SOS1: variants seen among roughly 807,000 people sequenced by gnomAD.
SOS1 encodes the protein son of sevenless homolog 1.
SOS1 carries 25 observed loss-of-function variants against 157.6 expected under a neutral mutation model. The ratio of observed to expected loss-of-function variants is 0.16; its 90% CI spans 0.12 to 0.22. The LOEUF is 0.22. SOS1 is among the 10% of genes least tolerant of loss of function. The pLI, the probability that SOS1 is intolerant of heterozygous loss-of-function variation, is 1.00. For missense variants in SOS1, 1,237 were observed against 1,599.1 expected, an observed-to-expected ratio of 0.77 and a Z score of 3.86; for synonymous variants, 528 against 534.0, an observed-to-expected ratio of 0.99 and a Z score of 0.16.
chr2:39,108,776 C>G (rs1224800595), intron 1 of SOS1, among the ~76,000 whole-genome samples: 4 of 152,034 alleles, frequency 2.6e-5, no homozygotes, highest in African/African-American at 9.7e-5. Flanking sequence ...ACCTGTAGTC[C>G]TAGCTACCTG....
intron 1 of SOS1, among the ~76,000 whole-genome samples, chr2:39,073,674 A>G (rs542581487): frequency 6.6e-6 from 1 of 152,338 alleles, no homozygotes; most frequent in Non-Finnish European, 1.5e-5. Context: ...GTGGAGTCTG[A>G]AAAGGCAAAG....
At chr2:39,015,802 C>CTTTTTTTTTTTTTTTTTTTT (rs1054843148) in intron 10 of SOS1, among the ~76,000 whole-genome samples, 2 of 87,416 alleles carry the variant, frequency 2.3e-5, no homozygotes, top group Non-Finnish European at 2.2e-5. Context: ...AATTGTAAAT[C>CTTTTTTTTTTTTTTTTTTTT]TTTTTTTTTT....
chr2:39,089,423 T>G (rs1219697346), intron 1 of SOS1, among the ~76,000 whole-genome samples: 1 of 150,762 alleles, frequency 6.6e-6, no homozygotes, highest in Non-Finnish European at 1.5e-5. Context: ...TCCCAGCTAC[T>G]CGGGAGGCTG....
intron 1 of SOS1, among the ~76,000 whole-genome samples, chr2:39,105,273 T>C (rs1673125918): frequency 6.6e-6 from 1 of 152,110 alleles, no homozygotes; most frequent in African/African-American, 2.4e-5. Context: ...TTTTCATTTT[T>C]TTTTAAATCC....
rs192692850 is a variant in SOS1, at chr2:39,067,303, C to G, written c.213+325G>C. Among the ~76,000 whole-genome samples the G allele has an allele frequency of 7.2e-5, 11 of 152,178 alleles. No homozygotes were observed. The East Asian group carries it at 2.1e-3, about 29-fold the overall frequency. On this transcript the variant is annotated intron_variant, in intron 2 of 22. Coordinates refer to ENST00000402219, the MANE Select transcript of SOS1 (RefSeq NM_005633.4). ...TGCTGGGATTACAGGCTTGAGCCACCACATCAGGCCAAAATCCAAAACTTC... is the reference window on the plus strand; with the variant it reads ...TGCTGGGATTACAGGCTTGAGCCACGACATCAGGCCAAAATCCAAAACTTC...
intron 1 of SOS1, among the ~76,000 whole-genome samples, chr2:39,077,715 G>C (rs1479450365): frequency 6.6e-6 from 1 of 152,148 alleles, no homozygotes; most frequent in African/African-American, 2.4e-5. Flanking sequence ...CAGTAGTATA[G>C]ATTCATGAGG....
intron 1 of SOS1, among the ~76,000 whole-genome samples, chr2:39,092,164 T>C (rs1307839411): frequency 6.6e-6 from 1 of 152,178 alleles, no homozygotes; most frequent in Non-Finnish European, 1.5e-5. Context: ...TTCTCACTCT[T>C]CTTCACATAT....
chr2:39,041,499 TG>T (rs891172807), intron 6 of SOS1, among the ~76,000 whole-genome samples: 2 of 152,250 alleles, frequency 1.3e-5, no homozygotes, highest in African/African-American at 4.8e-5. Context: ...GCTTTCTTGA[TG>T]GTGTCCTTTG....
chr2:39,058,931 C>A, intron 2 of SOS1, 127 bp from the exon 3 acceptor site: 1 of 719,522 alleles, frequency 1.4e-6, no homozygotes. Context: ...ATTTACATTA[C>A]AAACATATGA....
chr2:39,095,400 AG>A (rs1468251462), intron 1 of SOS1, among the ~76,000 whole-genome samples: 1 of 152,238 alleles, frequency 6.6e-6, no homozygotes, highest in Non-Finnish European at 1.5e-5. Context: ...TGATTAAGCT[AG>A]GGGAAAAGTC....
chr2:39,096,676 G>A (rs1672775651), intron 1 of SOS1, among the ~76,000 whole-genome samples: 2 of 152,112 alleles, frequency 1.3e-5, no homozygotes, highest in African/African-American at 4.8e-5. Flanking sequence ...ACGAGGTCAG[G>A]AGATCGAGAC....
intron 19 of SOS1, among the ~76,000 whole-genome samples, chr2:38,996,091 C>CTT (rs373919767): frequency 6.8e-6 from 1 of 147,040 alleles, no homozygotes; most frequent in East Asian, 2.0e-4. Context: ...GGATTCTTGA[C>CTT]TTTTTTTTTT....
chr2:39,110,384 T>C lies in SOS1; in HGVS notation c.87+9952A>G, dbSNP rs530373850. 1.2e-4 allele frequency among the ~76,000 whole-genome samples: 19 copies of C among 152,258 alleles called. No homozygotes were observed. In the East Asian group the frequency reaches 3.3e-3, roughly 26 times the overall value. ...CGCAGATACTTTTGATCCACAGTTG[T>C]TTGAATGCACAGATGCAGAGGACTG... On this transcript the variant is annotated intron_variant, in intron 1 of 22. Coordinates refer to ENST00000402219, the MANE Select transcript of SOS1 (RefSeq NM_005633.4).
At chr2:39,002,552 C>T (rs893848234) in intron 17 of SOS1, among the ~76,000 whole-genome samples, 8 of 152,250 alleles carry the variant, frequency 5.3e-5, no homozygotes, top group Middle Eastern at 3.4e-3. Context: ...AGCAGACTGA[C>T]TGTGTATTTT....
chr2:39,039,026 C>T (rs1670461012), intron 6 of SOS1, among the ~76,000 whole-genome samples: 1 of 152,080 alleles, frequency 6.6e-6, no homozygotes, highest in Non-Finnish European at 1.5e-5. Flanking sequence ...CCTTCAGCAG[C>T]CATCAACATC....
intron 1 of SOS1, among the ~76,000 whole-genome samples, chr2:39,119,819 G>C (rs1340951299): frequency 1.3e-5 from 2 of 152,154 alleles, no homozygotes; most frequent in Non-Finnish European, 2.9e-5. Context: ...GGAGGAGCGG[G>C]GGAAACCAGG....
At chr2:39,028,931 A>C (rs1445333866) in intron 8 of SOS1, among the ~76,000 whole-genome samples, 2 of 152,234 alleles carry the variant, frequency 1.3e-5, no homozygotes, top group East Asian at 3.8e-4. Context: ...AGAAAATGCA[A>C]AGAGTAACAC....
intron 9 of SOS1, among the ~76,000 whole-genome samples, chr2:39,023,503 G>A (rs1158677702): frequency 6.6e-6 from 1 of 151,774 alleles, no homozygotes; most frequent in African/African-American, 2.4e-5. Context: ...TAAATATTTA[G>A]AATGACAACT....
chr2:38,995,160 A>T lies in SOS1; in HGVS notation c.3309T>A (p.Ser1103Arg). 1 of 1,614,006 alleles carries T rather than the reference A, an allele frequency of 6.2e-7. No homozygotes were observed. The highest frequency in any genetic ancestry group is 8.5e-7 in the Non-Finnish European group (1 of 1,179,930). Reference sequence around the variant, plus strand: ...GGCTCGAATGATCGGAATCAAATACACTGCAAACATCTGTGGTACTGGAAG... The same window carrying T: ...GGCTCGAATGATCGGAATCAAATACTCTGCAAACATCTGTGGTACTGGAAG... Reference protein sequence around the residue: ...SGASSTTDVCSVFDSDHSSPF... With the variant: ...SGASSTTDVCRVFDSDHSSPF... The change falls in exon 20 of 23, where the codon AGT becomes AGA. Residue 1103 changes from serine to arginine, a missense_variant. This residue lies in a region of SOS1 where 306 missense variants were observed against 322.6 expected (regional missense o/e 0.95). Coordinates refer to ENST00000402219, the MANE Select transcript of SOS1 (RefSeq NM_005633.4).
Sources: allele counts gnomAD v4.1 joint callset (sites outside exome capture counted in the v4.1 genomes callset), GRCh38; gene constraint gnomAD v4.1.1; regional missense constraint gnomAD v4.1.1; transcripts MANE v1.5; gene names NCBI Gene and HGNC (gene_info 2026-07-23, HGNC 2026-07-21).